Variants in FARP1 observed in about 807,000 individuals in gnomAD.
The protein encoded by FARP1 is FERM, ARH/RhoGEF and pleckstrin domain protein 1.
FARP1 carries 52 observed loss-of-function variants against 128.8 expected under a neutral mutation model. The ratio of observed to expected loss-of-function variants is 0.40; its 90% CI spans 0.32 to 0.51. FARP1 has a LOEUF of 0.51. FARP1 is among the 20% of genes least tolerant of loss of function. FARP1 has a pLI of 0.45. For synonymous variants in FARP1, 580 were observed against 551.8 expected, an observed-to-expected ratio of 1.05 and a Z score of -0.72; for missense variants, 1,333 against 1,367.9, an observed-to-expected ratio of 0.97 and a Z score of 0.40.
intron 2 of FARP1, among the ~76,000 whole-genome samples, chr13:98,288,331 G>A (rs1428256622): frequency 2.0e-5 from 3 of 152,092 alleles, no homozygotes; most frequent in Non-Finnish European, 4.4e-5. Flanking sequence ...CGTACATATG[G>A]CTATTCTGGA....
chr13:98,166,592 C>A (rs1791780099), intron 1 of FARP1, among the ~76,000 whole-genome samples: 1 of 152,122 alleles, frequency 6.6e-6, no homozygotes. Flanking sequence ...GAGATTTGAA[C>A]CCACACAATC....
At chr13:98,243,882 C>T (rs1368582678) in intron 2 of FARP1, among the ~76,000 whole-genome samples, 1 of 152,002 alleles carries the variant, frequency 6.6e-6, no homozygotes, top group Non-Finnish European at 1.5e-5. Context: ...TTACTCCCTG[C>T]TGTACATGTG....
intron 1 of FARP1, among the ~76,000 whole-genome samples, chr13:98,200,739 A>G (rs1879887151): frequency 6.6e-6 from 1 of 152,232 alleles, no homozygotes; most frequent in Non-Finnish European, 1.5e-5. Context: ...CCTGTGAAGT[A>G]GAAGCTAAAT....
At chr13:98,345,027 G>C (rs1293176099) in intron 3 of FARP1, among the ~76,000 whole-genome samples, 1 of 152,194 alleles carries the variant, frequency 6.6e-6, no homozygotes, top group African/African-American at 2.4e-5. Flanking sequence ...GCAAGAAGTA[G>C]TTACGGTTTC....
Position 98,310,910 on chromosome 13 carries a change from C to T in FARP1, c.172-32852C>T, listed in dbSNP as rs1213884478. Among the ~76,000 whole-genome samples, 3 of 152,186 alleles carry T rather than the reference C, an allele frequency of 2.0e-5. No individual in the cohort carries two copies. In the East Asian group the frequency reaches 5.8e-4, roughly 29 times the overall value. On this transcript the variant is annotated intron_variant, in intron 2 of 26. Coordinates refer to ENST00000319562, the MANE Select transcript of FARP1 (RefSeq NM_005766.4). Reference sequence around the variant, plus strand: ...AGGGTCAGAGTCCCCTTCCCCATTACCTAAGAAGGAGAGGTCAAAGGGCAT... The same window carrying T: ...AGGGTCAGAGTCCCCTTCCCCATTATCTAAGAAGGAGAGGTCAAAGGGCAT...
intron 24 of FARP1, among the ~76,000 whole-genome samples, chr13:98,443,649 T>C (rs1892625215): frequency 6.6e-6 from 1 of 152,142 alleles, no homozygotes; most frequent in Non-Finnish European, 1.5e-5. Context: ...CTAAAAGTTG[T>C]GGGCAAGCCG....
chr13:98,227,265 A>G (rs184328441), intron 2 of FARP1, among the ~76,000 whole-genome samples: 27 of 152,194 alleles, frequency 1.8e-4, no homozygotes, highest in Non-Finnish European at 3.4e-4. Context: ...TCTAACGTTC[A>G]TGTTCATTCC....
At chr13:98,203,924 T>A (rs1278659965) in intron 1 of FARP1, 1 of 152,236 alleles carries the variant, frequency 6.6e-6, no homozygotes, top group East Asian at 1.9e-4. Context: ...TTTCACATTC[T>A]TGAGAGCTTA....
At chr13:98,169,582 G>A (rs183581930) in intron 1 of FARP1, among the ~76,000 whole-genome samples, 1 of 152,234 alleles carries the variant, frequency 6.6e-6, no homozygotes, top group Non-Finnish European at 1.5e-5. Context: ...ACAACAACAA[G>A]AAACTTTAAG....
intron 2 of FARP1, among the ~76,000 whole-genome samples, chr13:98,269,014 G>A (rs943431311): frequency 2.5e-4 from 38 of 152,156 alleles, no homozygotes; most frequent in African/African-American, 8.9e-4. Flanking sequence ...TTACAGGCAT[G>A]AGCCATCATG....
rs557709200 is a variant in FARP1, at chr13:98,173,065, C to T, written c.-24+29573C>T. The stretch of plus-strand genomic sequence containing the variant: ...AGTAGTTAAGGATATCTATCAATCT[C>T]GTGTTTTTTAGCTCCAGCACTGGGT... On this transcript the variant is annotated intron_variant, in intron 1 of 26. Transcript: ENST00000319562. Among the ~76,000 whole-genome samples the T allele has an allele frequency of 1.7e-3, 261 of 152,268 alleles. 1 individual carries two copies. Among genetic ancestry groups the T allele is most frequent in the African/African-American group, 5.9e-3 (247 of 41,534 alleles).
At position 98,448,748 on chromosome 13, in the gene FARP1, T is replaced by TTTGTTTGC. The variant is rs1389808524; in HGVS notation, c.*432_*439dup. 1.2e-5 allele frequency: 2 copies of TTTGTTTGC among 161,146 alleles called. No individual in the cohort carries two copies. Among genetic ancestry groups the TTTGTTTGC allele is most frequent in the Non-Finnish European group, 2.7e-5 (2 of 73,880 alleles). The allele number at this position is 161,146 out of a possible 1,614,324, so 10.0% of individuals were successfully genotyped here. On this transcript the variant is annotated 3_prime_UTR_variant, in exon 27 of 27. Transcript: ENST00000319562. ...AAGTGGACTTCCCGGTGTTTGTTTG[T>TTTGTTTGC]TTGTTTGCAATACACTCAGTGCAGC... is the stretch of plus-strand genomic sequence containing the variant.
intron 2 of FARP1, among the ~76,000 whole-genome samples, chr13:98,258,765 AT>A (rs1239152247): frequency 2.0e-5 from 3 of 152,092 alleles, no homozygotes; most frequent in Non-Finnish European, 4.4e-5. Flanking sequence ...CTGACATCTA[AT>A]TTCTTACCCT....
intron 5 of FARP1, among the ~76,000 whole-genome samples, chr13:98,369,879 A>G (rs975866037): frequency 2.6e-5 from 4 of 152,218 alleles, no homozygotes; most frequent in African/African-American, 7.2e-5. Flanking sequence ...TACAGAGCAC[A>G]GTATCTTGGG....
At chr13:98,444,187 T>C (rs1486934804) in intron 24 of FARP1, among the ~76,000 whole-genome samples, 2 of 152,082 alleles carry the variant, frequency 1.3e-5, no homozygotes, top group Non-Finnish European at 2.9e-5. Flanking sequence ...GTATCTGCAC[T>C]CTAATATCCT....
intron 2 of FARP1, among the ~76,000 whole-genome samples, chr13:98,243,695 T>TC (rs1309282312): frequency 2.1e-4 from 15 of 70,602 alleles, no homozygotes; most frequent in African/African-American, 1.2e-3. Context: ...AGACTCCATC[T>TC]CAAAAAAAAA....
intron 1 of FARP1, among the ~76,000 whole-genome samples, chr13:98,165,710 GTTTTTTTT>G (rs71111927): frequency 1.9e-4 from 14 of 74,120 alleles, no homozygotes; most frequent in African/African-American, 4.1e-4. Context: ...TCCAGAAGGG[GTTTTTTTT>G]TTTTTTTTTT....
intron 25 of FARP1, 177 bp from the exon 26 acceptor site, chr13:98,446,489 C>G: frequency 1.5e-6 from 1 of 657,614 alleles, no homozygotes; most frequent in Admixed American, 2.8e-5. Context: ...CCTGGCGGGA[C>G]TTGCCACCCG....
At chr13:98,211,394 G>A (rs1290995476) in intron 1 of FARP1, among the ~76,000 whole-genome samples, 2 of 152,224 alleles carry the variant, frequency 1.3e-5, no homozygotes, top group African/African-American at 2.4e-5. Flanking sequence ...AGAATCTAAT[G>A]CCTGATGATC....
Sources: allele counts gnomAD v4.1 joint callset (sites outside exome capture counted in the v4.1 genomes callset), GRCh38; gene constraint gnomAD v4.1.1; transcripts MANE v1.5; gene names NCBI Gene and HGNC (gene_info 2026-07-23, HGNC 2026-07-21).